Variants in NTRK2 observed in about 807,000 individuals in gnomAD.
NTRK2 encodes BDNF/NT-3 growth factors receptor.
In NTRK2, 13 loss-of-function variants were observed where a neutral mutation model predicts 94.5. The observed-to-expected ratio is 0.14, with a 90% CI of 0.09 to 0.22. The LOEUF is 0.22. NTRK2 is among the 10% of genes least tolerant of loss of function. The pLI is 1.00. For synonymous variants in NTRK2, 372 were observed against 407.4 expected (o/e 0.91, Z 1.05); for missense variants, 639 against 1,071.2 (o/e 0.60, Z 5.63).
chr9:84,816,439 G>A (rs1313282115), intron 12 of NTRK2, among the ~76,000 whole-genome samples: 2 of 152,002 alleles, frequency 1.3e-5, no homozygotes, highest in Non-Finnish European at 2.9e-5. Flanking sequence ...AACTAATCTA[G>A]TGTGACCTCA....
At chr9:84,892,752 C>T (rs777969929) in intron 14 of NTRK2, among the ~76,000 whole-genome samples, 1 of 152,168 alleles carries the variant, frequency 6.6e-6, no homozygotes, top group Non-Finnish European at 1.5e-5. Flanking sequence ...GAAACTCCAT[C>T]TCTACTAAAA....
At chr9:84,996,732 A>G (rs1829794764) in intron 17 of NTRK2, among the ~76,000 whole-genome samples, 1 of 152,210 alleles carries the variant, frequency 6.6e-6, no homozygotes, top group Admixed American at 6.5e-5. Flanking sequence ...TGCCATCTAT[A>G]TCATAATATT....
intron 14 of NTRK2, among the ~76,000 whole-genome samples, chr9:84,897,127 C>T (rs1242890722): frequency 6.6e-6 from 1 of 150,718 alleles, no homozygotes; most frequent in African/African-American, 2.5e-5. Context: ...TGAGAGGACC[C>T]TTCTGAGCCC....
intron 8 of NTRK2, among the ~76,000 whole-genome samples, chr9:84,725,685 T>C (rs1189734235): frequency 7.4e-5 from 11 of 147,834 alleles, no homozygotes; most frequent in Admixed American, 7.4e-4. Flanking sequence ...TGCATATGTA[T>C]AATATATATA....
chr9:84,686,033 C>CAT (rs888095233), intron 2 of NTRK2, among the ~76,000 whole-genome samples: 4 of 152,214 alleles, frequency 2.6e-5, no homozygotes, highest in Admixed American at 1.3e-4. Flanking sequence ...TCCCCACCCC[C>CAT]ATATATATAC....
In NTRK2 at chr9:85,022,343, G is replaced by A. The variant is rs1316693528; in HGVS notation, c.*906G>A. ...TGGCTTCCGTGAGACACAAGATGGC[G>A]CATAGTGTGCTCGGACACAGTTTTG... On this transcript the variant is annotated 3_prime_UTR_variant, in exon 19 of 19. Coordinates refer to ENST00000277120, the MANE Select transcript of NTRK2 (RefSeq NM_006180.6). The A allele has an allele frequency of 1.3e-5, 3 of 233,076 alleles. No homozygotes were observed. The highest frequency in any genetic ancestry group is 6.0e-5 in the East Asian group (1 of 16,558). The allele number at this position is 233,076 out of a possible 1,614,324, so 14.4% of individuals were successfully genotyped here.
intron 6 of NTRK2, among the ~76,000 whole-genome samples, chr9:84,720,861 T>A (rs2062014185): frequency 6.6e-6 from 1 of 152,048 alleles, no homozygotes; most frequent in South Asian, 2.1e-4. Context: ...ATGAACAACC[T>A]TAAAAGGGGG....
rs201002337 is a variant in NTRK2 at position 84,948,566 on chromosome 9, C to T, written c.1869C>T (p.Cys623=). Residue 623 remains cysteine (C), a synonymous_variant, in exon 16 of 19, where the codon TGC becomes TGT. Transcript: ENST00000277120. ...ACATCGTCAAGTTCTATGGCGTCTG[C>T]GTGGAGGGCGACCCCCTCATCATGG... ...HEHIVKFYGV[C]VEGDPLIMVF... 49 of 1,613,900 alleles carry T rather than the reference C, an allele frequency of 3.0e-5. No homozygotes were observed. The highest frequency in any genetic ancestry group is 3.9e-5 in the Non-Finnish European group (46 of 1,180,000).
intron 14 of NTRK2, chr9:84,873,681 A>ATGAAG (rs2075958141): frequency 9.5e-7 from 1 of 1,055,456 alleles, no homozygotes; most frequent in Non-Finnish European, 1.1e-6. Context: ...TATAAGCCGC[A>ATGAAG]CTGAGATGAA....
intron 12 of NTRK2, among the ~76,000 whole-genome samples, chr9:84,769,919 C>A (rs2066373623): frequency 6.6e-6 from 1 of 152,136 alleles, no homozygotes; most frequent in African/African-American, 2.4e-5. Flanking sequence ...TGAGCAAACT[C>A]CTGTGAGCTA....
intron 17 of NTRK2, among the ~76,000 whole-genome samples, chr9:84,975,041 C>T (rs1309830909): frequency 2.0e-5 from 3 of 152,096 alleles, no homozygotes; most frequent in Admixed American, 6.5e-5. Flanking sequence ...TCATTGCCCT[C>T]GGCGGCTCTG....
At chr9:84,787,449 T>G (rs989196875) in intron 12 of NTRK2, among the ~76,000 whole-genome samples, 4 of 152,206 alleles carry the variant, frequency 2.6e-5, no homozygotes, top group Non-Finnish European at 4.4e-5. Context: ...AGTTAATCAC[T>G]GGCTCTTTAT....
chr9:84,710,466 G>C (rs187608337), intron 5 of NTRK2, among the ~76,000 whole-genome samples, 171 bp from the exon 6 acceptor site: 2 of 152,176 alleles, frequency 1.3e-5, no homozygotes, highest in East Asian at 3.9e-4. Context: ...GAGATGCTCC[G>C]TAAGTATCAG....
Position 85,026,155 on chromosome 9 carries a change from T to G in NTRK2, c.*4718T>G, listed in dbSNP as rs1234168996. Reference sequence around the variant, plus strand: ...AAAAAAAAAAATATATATATATATATCTGTATATGTGTTGTAGGCAAAACA... The same window carrying G: ...AAAAAAAAAAATATATATATATATAGCTGTATATGTGTTGTAGGCAAAACA... On this transcript the variant is annotated 3_prime_UTR_variant, in exon 19 of 19. Coordinates refer to ENST00000277120, the MANE Select transcript of NTRK2 (RefSeq NM_006180.6). 4.5e-6 allele frequency: 1 copy of G among 221,710 alleles called. No individual in the cohort carries two copies. Among genetic ancestry groups the G allele is most frequent in the African/African-American group, 2.2e-5 (1 of 44,478 alleles). The allele number at this position is 221,710 out of a possible 1,614,324, so 13.7% of individuals were successfully genotyped here. A position where few individuals can be genotyped will look rare whatever the true frequency, so the allele number is the denominator to read the frequency against.
rs567019561 is a variant in NTRK2 at position 84,917,141 on chromosome 9, GGC to G, written c.1634-17020_1634-17019del. ...TTTTGGAGAGAGGTTTGACTTTGGG[GGC>G]ATAGAAGTCCTTGTTGGCAGTCAAT... On this transcript the variant is annotated intron_variant, in intron 14 of 18. Coordinates refer to ENST00000277120, the MANE Select transcript of NTRK2 (RefSeq NM_006180.6). Among the ~76,000 whole-genome samples the G allele has an allele frequency of 1.2e-4, 18 of 152,186 alleles. No homozygotes were observed. In the South Asian group the frequency reaches 3.7e-3, roughly 32 times the overall value.
At chr9:84,871,932 A>G (rs776537375) in intron 14 of NTRK2, 15 of 1,606,522 alleles carry the variant, frequency 9.3e-6, no homozygotes, top group Non-Finnish European at 1.3e-5. Flanking sequence ...GCCAGACAAC[A>G]TCTTGACGTC....
At chr9:85,018,454 C>T (rs534464801) in intron 17 of NTRK2, among the ~76,000 whole-genome samples, 2 of 152,242 alleles carry the variant, frequency 1.3e-5, no homozygotes, top group African/African-American at 4.8e-5. Context: ...CCCTGCATGG[C>T]CCAAAGCAGT....
chr9:84,939,023 C>T (rs1457289164), intron 15 of NTRK2, among the ~76,000 whole-genome samples: 1 of 124,462 alleles, frequency 8.0e-6, no homozygotes, highest in African/African-American at 3.2e-5. Flanking sequence ...CTGCACTCCA[C>T]TCTGGGTGAC....
intron 14 of NTRK2, among the ~76,000 whole-genome samples, chr9:84,884,675 A>G (rs944034801): frequency 6.6e-6 from 1 of 152,216 alleles, no homozygotes; most frequent in Non-Finnish European, 1.5e-5. Flanking sequence ...CGCCGCTTGT[A>G]GAGTTCATTA....
Sources: allele counts gnomAD v4.1 joint callset (sites outside exome capture counted in the v4.1 genomes callset), GRCh38; gene constraint gnomAD v4.1.1; transcripts MANE v1.5; gene names NCBI Gene and HGNC (gene_info 2026-07-23, HGNC 2026-07-21).